LIN7A: variants seen among roughly 807,000 people sequenced by gnomAD.
The protein encoded by LIN7A is protein lin-7 homolog A.
LIN7A carries 25 observed loss-of-function variants against 29.8 expected under a neutral mutation model. That is an observed-to-expected ratio of 0.84 (90% CI 0.61 to 1.17). LIN7A has a LOEUF of 1.17. LIN7A is among the 50% of genes most tolerant of loss of function. LIN7A has a pLI of 0.00. For synonymous variants in LIN7A, 118 were observed against 107.5 expected, an observed-to-expected ratio of 1.10 and a Z score of -0.60; for missense variants, 239 against 287.0, an observed-to-expected ratio of 0.83 and a Z score of 1.21.
intron 1 of LIN7A, among the ~76,000 whole-genome samples, chr12:80,898,378 T>A (rs1417330469): frequency 6.6e-6 from 1 of 152,216 alleles, no homozygotes; most frequent in Non-Finnish European, 1.5e-5. Flanking sequence ...TATAGCCTTA[T>A]AGTATAGTTT....
At position 80,882,095 on chromosome 12, in the gene LIN7A, T is replaced by G. The variant is rs575607764; in HGVS notation, c.201+7156A>C. Among the ~76,000 whole-genome samples the G allele has an allele frequency of 3.9e-5, 6 of 152,136 alleles. No homozygotes were observed. The South Asian group carries it at 1.2e-3, about 32-fold the overall frequency. ...ACATCTATCTGAAAATTTGGAGCCA[T>G]CCATTTAAAAATATTGCATTTTTTG... On this transcript the variant is annotated intron_variant, in intron 2 of 5. Transcript: ENST00000552864.
intron 4 of LIN7A, among the ~76,000 whole-genome samples, chr12:80,838,351 C>T (rs1444965335): frequency 6.6e-6 from 1 of 152,180 alleles, no homozygotes; most frequent in Admixed American, 6.5e-5. Context: ...CTATAGTTAC[C>T]TGTGCTATTG....
At chr12:80,830,438 C>T (rs1305350457) in intron 4 of LIN7A, among the ~76,000 whole-genome samples, 1 of 152,080 alleles carries the variant, frequency 6.6e-6, no homozygotes, top group Non-Finnish European at 1.5e-5. Flanking sequence ...GGGCCCAGTG[C>T]ATTTAGAGTG....
intron 2 of LIN7A, among the ~76,000 whole-genome samples, chr12:80,855,595 C>T (rs964599211): frequency 5.9e-5 from 9 of 152,176 alleles, no homozygotes; most frequent in African/African-American, 2.2e-4. Context: ...ATGTATTTAT[C>T]ATAATATAAT....
chr12:80,807,082 T>TTTTTTTTTTGTTTTG (rs1555221394), intron 5 of LIN7A, among the ~76,000 whole-genome samples: 6 of 134,632 alleles, frequency 4.5e-5, no homozygotes, highest in Admixed American at 1.5e-4. Flanking sequence ...TTTTTTTTTT[T>TTTTTTTTTTGTTTTG]TTTTTTTTTG....
rs370465323 is a variant in LIN7A, at chr12:80,854,485, C to CAAAAAAAAAAAAAAAAAAAAAAAAAA, written c.202-6164_202-6163insTTTTTTTTTTTTTTTTTTTTTTTTTT. Among the ~76,000 whole-genome samples, 2 of 37,112 alleles carry CAAAAAAAAAAAAAAAAAAAAAAAAAA rather than the reference C, an allele frequency of 5.4e-5. 1 individual carries two copies. 24.3% of individuals were successfully genotyped at this position (37,112 alleles called of 152,430 possible). On this transcript the variant is annotated intron_variant, in intron 2 of 5. Transcript: ENST00000552864. ...TGAATCTGAAATGCATGTTGCTAAG[C>CAAAAAAAAAAAAAAAAAAAAAAAAAA]CAAAAAAAAAAAAAAAAAAAAAAGC...
At chr12:80,917,135 T>G (rs2120845937) in intron 1 of LIN7A, among the ~76,000 whole-genome samples, 1 of 152,202 alleles carries the variant, frequency 6.6e-6, no homozygotes, top group Non-Finnish European at 1.5e-5. Context: ...AAGCTCAGGG[T>G]AAGTTATTAT....
intron 5 of LIN7A, among the ~76,000 whole-genome samples, chr12:80,808,968 T>A (rs1000655831): frequency 1.5e-5 from 2 of 134,356 alleles, no homozygotes; most frequent in African/African-American, 5.9e-5. Context: ...CTGTGTAGCT[T>A]CTTCTTTTCA....
chr12:80,841,935 T>G (rs768786539), intron 4 of LIN7A: 2 of 1,065,544 alleles, frequency 1.9e-6, no homozygotes, highest in Non-Finnish European at 2.3e-6. Context: ...AAGGTTTCAC[T>G]GAGGATTGAT....
Position 80,813,034 on chromosome 12 carries a change from G to A in LIN7A, c.484-1351C>T, listed in dbSNP as rs147410400. The stretch of plus-strand genomic sequence containing the variant: ...ATACAGATATATTTTTTTTTGAGAC[G>A]GAGTCTTGCTCTGTTGCCCAGGCTA... On this transcript the variant is annotated intron_variant, in intron 4 of 5. Transcript: ENST00000552864. 6.9e-3 allele frequency among the ~76,000 whole-genome samples: 1,049 copies of A among 151,754 alleles called. 3 individuals carry two copies. The highest frequency in any genetic ancestry group is 9.8e-3 in the Non-Finnish European group (666 of 67,932).
intron 5 of LIN7A, among the ~76,000 whole-genome samples, chr12:80,810,725 C>T (rs868095248): frequency 3.9e-4 from 59 of 152,164 alleles, no homozygotes; most frequent in Non-Finnish European, 1.3e-4. Context: ...CAAGGGTTCC[C>T]TTTTCTTCAC....
intron 1 of LIN7A, among the ~76,000 whole-genome samples, chr12:80,909,984 T>A (rs1876675302): frequency 6.6e-6 from 1 of 152,178 alleles, no homozygotes; most frequent in African/African-American, 2.4e-5. Context: ...TGGGAAAAAT[T>A]GACATCTCTA....
At chr12:80,916,472 G>T (rs1360172923) in intron 1 of LIN7A, among the ~76,000 whole-genome samples, 1 of 152,040 alleles carries the variant, frequency 6.6e-6, no homozygotes, top group Non-Finnish European at 1.5e-5. Context: ...ACTGCCTCAA[G>T]GCATTTACAC....
chr12:80,848,648 A>G (rs981365989), intron 2 of LIN7A, among the ~76,000 whole-genome samples: 1 of 152,128 alleles, frequency 6.6e-6, no homozygotes, highest in Admixed American at 6.6e-5. Flanking sequence ...AAAAAAACTT[A>G]AAGGATGCCT....
intron 5 of LIN7A, among the ~76,000 whole-genome samples, chr12:80,807,603 CTA>C (rs1303575674): frequency 6.6e-6 from 1 of 152,034 alleles, no homozygotes; most frequent in Non-Finnish European, 1.5e-5. Context: ...TGGTATAAGT[CTA>C]TATTATCAAG....
rs1332657604 is a variant in LIN7A at position 80,878,514 on chromosome 12, ACAGCTCTTAAAGGTGG to A, written c.201+10721_201+10736del. 3.3e-5 allele frequency among the ~76,000 whole-genome samples: 5 copies of A among 152,294 alleles called. No homozygotes were observed. The East Asian group carries it at 7.7e-4, about 24-fold the overall frequency. ...GCCATGGACCTTTGCGGTGAGTGTGACAGCTCTTAAAGGTGGCACAGACCCAAAGAGTGAGCAGCAG... is the reference window on the plus strand; with the variant it reads ...GCCATGGACCTTTGCGGTGAGTGTGACACAGACCCAAAGAGTGAGCAGCAG... On this transcript the variant is annotated intron_variant, in intron 2 of 5. Coordinates refer to ENST00000552864, the MANE Select transcript of LIN7A (RefSeq NM_004664.4).
At chr12:80,834,989 G>T (rs577218048) in intron 4 of LIN7A, among the ~76,000 whole-genome samples, 1 of 152,176 alleles carries the variant, frequency 6.6e-6, no homozygotes, top group African/African-American at 2.4e-5. Flanking sequence ...CGAATCATTG[G>T]CTTTTCACTA....
intron 5 of LIN7A, among the ~76,000 whole-genome samples, chr12:80,805,133 G>A (rs1870914616): frequency 6.6e-6 from 1 of 152,106 alleles, no homozygotes; most frequent in Non-Finnish European, 1.5e-5. Flanking sequence ...TAATATATAT[G>A]AGGCACTTAA....
chr12:80,813,117 T>C (rs1871370958), intron 4 of LIN7A, among the ~76,000 whole-genome samples: 1 of 151,998 alleles, frequency 6.6e-6, no homozygotes, highest in Non-Finnish European at 1.5e-5. Context: ...TTCATGCCAT[T>C]CTCCTGCCTC....
Sources: gnomAD v4.1 joint callset for allele counts (sites outside exome capture counted in the v4.1 genomes callset) on GRCh38, gnomAD v4.1.1 for gene constraint, MANE v1.5 for transcripts, NCBI Gene and HGNC (gene_info 2026-07-23, HGNC 2026-07-21) for gene names.